Variants in EHMT1 observed in about 807,000 individuals in gnomAD.
EHMT1 encodes the protein histone-lysine N-methyltransferase EHMT1.
In EHMT1, 15 loss-of-function variants were observed where a neutral mutation model predicts 147.2. The ratio of observed to expected loss-of-function variants is 0.10; its 90% CI spans 0.07 to 0.16. The LOEUF is 0.16. Ranked by LOEUF, EHMT1 falls within the 10% of genes least tolerant of loss-of-function variation. EHMT1 has a pLI of 1.00. For missense variants in EHMT1, 1,587 were observed against 1,772.4 expected (o/e 0.90, Z 1.88); for synonymous variants, 795 against 709.6 (o/e 1.12, Z -1.91).
chr9:137,824,989 C>T (rs537931712), intron 25 of EHMT1, among the ~76,000 whole-genome samples: 6 of 152,274 alleles, frequency 3.9e-5, no homozygotes, highest in South Asian at 4.1e-4. Flanking sequence ...GTTCTCTTCC[C>T]GGCACTGGGG....
chr9:137,747,549 C>T (rs1948647133), intron 6 of EHMT1: 1 of 152,162 alleles, frequency 6.6e-6, no homozygotes, highest in African/African-American at 2.4e-5. Flanking sequence ...TGATTCATTA[C>T]TAGAAATAGA....
At chr9:137,781,159 T>C (rs141703169) in intron 14 of EHMT1, among the ~76,000 whole-genome samples, 2,461 of 3,640 alleles carry the variant, frequency 0.68, 794 homozygotes, top group South Asian at 0.8. Flanking sequence ...GTGATGACGC[T>C]GAGACGTGTG....
At chr9:137,799,946 C>T (rs111511323) in intron 17 of EHMT1, among the ~76,000 whole-genome samples, 99 of 152,344 alleles carry the variant, frequency 6.5e-4, no homozygotes, top group South Asian at 3.1e-3. Flanking sequence ...CAGGAGGCTG[C>T]GCTCTGCTGT....
At chr9:137,823,648 T>A (rs1323234254) in intron 25 of EHMT1, 2 of 185,552 alleles carry the variant, frequency 1.1e-5, no homozygotes, top group African/African-American at 4.8e-5. Context: ...CCTGACCTCG[T>A]GATCCGCCCG....
rs906359768 is a variant in EHMT1, at chr9:137,834,220, A to C, written c.3541-129A>C. 2.4e-6 allele frequency: 3 copies of C among 1,228,960 alleles called. No homozygotes were observed. In the African/African-American group the frequency reaches 4.5e-5, roughly 18 times the overall value. The allele number at this position is 1,228,960 out of a possible 1,614,324, so 76.1% of individuals were successfully genotyped here. ...CACCGCCGCCACAGGTCACTGGAGA[A>C]GGCCCCTCCTGCATGGCGGGCCTGC... On this transcript the variant is annotated intron_variant, in intron 25 of 26. Transcript: ENST00000460843.
chr9:137,670,327 CA>C (rs1374320386), intron 1 of EHMT1, among the ~76,000 whole-genome samples: 1 of 152,134 alleles, frequency 6.6e-6, no homozygotes, highest in Non-Finnish European at 1.5e-5. Context: ...CCCAGGGCAA[CA>C]AAACCATCCT....
chr9:137,788,578 A>G (rs4339713), intron 15 of EHMT1: 112,194 of 152,996 alleles, frequency 0.73, 45,428 homozygotes, highest in East Asian at 1. Flanking sequence ...GCGGGCTTAG[A>G]GGGCCTCACA....
chr9:137,800,763 C>T (rs995532883), intron 17 of EHMT1, 117 bp from the exon 18 acceptor site: 6 of 824,516 alleles, frequency 7.3e-6, no homozygotes, highest in African/African-American at 1.7e-5. Context: ...CTGAGTGAGA[C>T]GCCTGCACGA....
At chr9:137,824,461 GT>G (rs111729585) in intron 25 of EHMT1, among the ~76,000 whole-genome samples, 1 of 150,464 alleles carries the variant, frequency 6.6e-6, no homozygotes, top group Admixed American at 6.6e-5. Flanking sequence ...CTCATACTCG[GT>G]TTTTTTTTCA....
chr9:137,780,034 G>A (rs575494120), intron 14 of EHMT1, among the ~76,000 whole-genome samples: 3 of 146,832 alleles, frequency 2.0e-5, no homozygotes, highest in African/African-American at 8.2e-5. Context: ...GTGGCCCTGA[G>A]ATGTGTGGTG....
intron 7 of EHMT1, 71 bp from the exon 8 acceptor site, chr9:137,754,100 C>T: frequency 6.2e-7 from 1 of 1,609,734 alleles, no homozygotes. Context: ...CAAGAAAACA[C>T]TTGTAGTGCT....
chr9:137,663,516 A>G (rs1262123244), intron 1 of EHMT1, among the ~76,000 whole-genome samples: 1 of 152,252 alleles, frequency 6.6e-6, no homozygotes. Context: ...ACTAAATAGT[A>G]AGAAAAGGTG....
chr9:137,710,890 C>G, intron 1 of EHMT1, 77 bp from the exon 2 acceptor site: 1 of 1,510,098 alleles, frequency 6.6e-7, no homozygotes, highest in Non-Finnish European at 9.0e-7. Context: ...GATTTTTTGA[C>G]TTTTTCCAAA....
At chr9:137,697,688 T>G (rs945309188) in intron 1 of EHMT1, among the ~76,000 whole-genome samples, 1 of 152,226 alleles carries the variant, frequency 6.6e-6, no homozygotes, top group Non-Finnish European at 1.5e-5. Flanking sequence ...GTAGTTTTTA[T>G]TCTTGCATCC....
intron 1 of EHMT1, chr9:137,666,122 C>G (rs112121012): frequency 0.033 from 5,089 of 152,420 alleles, 145 homozygotes; most frequent in African/African-American, 0.082. Context: ...CCAGGGCCTG[C>G]AGAGCAGGGA....
chr9:137,835,003 C>A lies in EHMT1; in HGVS notation c.*50C>A. On this transcript the variant is annotated 3_prime_UTR_variant, in exon 27 of 27. Coordinates refer to ENST00000460843, the MANE Select transcript of EHMT1 (RefSeq NM_024757.5). ...CGGGAGCCAGGGACCGCCGCGTCGC[C>A]GATTAGAGGACGAGGAGGAGAGATT... The A allele has an allele frequency of 1.5e-6, 2 of 1,362,588 alleles. No homozygotes were observed. The highest frequency in any genetic ancestry group is 1.9e-6 in the Non-Finnish European group (2 of 1,064,742). 84.4% of individuals were successfully genotyped at this position (1,362,588 alleles called of 1,614,324 possible).
At chr9:137,682,581 C>G (rs191351682) in intron 1 of EHMT1, among the ~76,000 whole-genome samples, 1 of 152,170 alleles carries the variant, frequency 6.6e-6, no homozygotes, top group Admixed American at 6.5e-5. Context: ...AGGTGTGACC[C>G]TGGGCCTCTT....
chr9:137,684,753 C>T (rs1050399133), intron 1 of EHMT1, among the ~76,000 whole-genome samples: 12 of 152,124 alleles, frequency 7.9e-5, no homozygotes, highest in South Asian at 4.1e-4. Flanking sequence ...AGCCTCCCAA[C>T]GTGCTGGGAT....
chr9:137,686,730 C>CTT (rs34204547), intron 1 of EHMT1, among the ~76,000 whole-genome samples: 9,265 of 110,926 alleles, frequency 0.084, 506 homozygotes, highest in Middle Eastern at 0.16. Flanking sequence ...CTCATTCTTT[C>CTT]TTTTTTTTTT....
Sources: gnomAD v4.1 joint callset for allele counts (sites outside exome capture counted in the v4.1 genomes callset) on GRCh38, gnomAD v4.1.1 for gene constraint, MANE v1.5 for transcripts, NCBI Gene and HGNC (gene_info 2026-07-23, HGNC 2026-07-21) for gene names.